The following TOPBP1 variants were observed in gnomAD, a reference collection of about 807,000 sequenced individuals.
The protein encoded by TOPBP1 is DNA topoisomerase 2-binding protein 1.
In TOPBP1, 28 loss-of-function variants were observed where a neutral mutation model predicts 167.7. The observed-to-expected ratio is 0.17, with a 90% CI of 0.12 to 0.23. The LOEUF is 0.23. Among genes scored for constraint, TOPBP1 ranks in the 10% least tolerant of loss-of-function variants. The probability of loss-of-function intolerance (pLI) is 1.00; values close to 1 mark genes in which losing one functional copy is unlikely to be tolerated. For missense variants in TOPBP1, 1,554 were observed against 1,809.6 expected (o/e 0.86, Z 2.56); for synonymous variants, 598 against 611.4 (o/e 0.98, Z 0.32).
intron 2 of TOPBP1, among the ~76,000 whole-genome samples, chr3:133,659,866 C>T (rs905846686): frequency 6.6e-6 from 1 of 152,062 alleles, no homozygotes; most frequent in East Asian, 1.9e-4. Flanking sequence ...ATGTTCTGAA[C>T]CAATTTTGAG....
intron 3 of TOPBP1, 89 bp downstream of exon 3, chr3:133,658,927 C>T (rs1936582696): frequency 7.1e-7 from 1 of 1,405,108 alleles, no homozygotes; most frequent in Admixed American, 2.8e-5. Context: ...TTGCATAGTA[C>T]TTTATAATCC....
intron 21 of TOPBP1, among the ~76,000 whole-genome samples, chr3:133,617,854 T>C (rs1178242046): frequency 6.6e-6 from 1 of 152,148 alleles, no homozygotes; most frequent in Non-Finnish European, 1.5e-5. Context: ...AGGTATGTGC[T>C]AGGCAGAATT....
At chr3:133,653,551 G>C in intron 6 of TOPBP1, 27 bp from the exon 7 acceptor site, 1 of 1,467,984 alleles carries the variant, frequency 6.8e-7, no homozygotes, top group Non-Finnish European at 9.1e-7. Flanking sequence ...GAAAGAAATA[G>C]AGAAAATAGG....
intron 13 of TOPBP1, 82 bp from the exon 14 acceptor site, chr3:133,638,244 C>G: frequency 7.5e-7 from 1 of 1,333,260 alleles, no homozygotes; most frequent in South Asian, 1.4e-5. Flanking sequence ...ATATTTTATA[C>G]TGTTTTCTTT....
intron 25 of TOPBP1, among the ~76,000 whole-genome samples, chr3:133,609,564 C>T (rs1934604533): frequency 6.6e-6 from 1 of 152,118 alleles, no homozygotes; most frequent in Non-Finnish European, 1.5e-5. Context: ...GGGGGAGGGA[C>T]CTCGTGGGAG....
intron 6 of TOPBP1, among the ~76,000 whole-genome samples, chr3:133,654,463 T>G (rs1427927335): frequency 6.6e-6 from 1 of 152,194 alleles, no homozygotes; most frequent in Non-Finnish European, 1.5e-5. Flanking sequence ...GTCTTCAGAT[T>G]CAGAAAAAGA....
chr3:133,611,663 T>C (rs1339504735), intron 24 of TOPBP1, among the ~76,000 whole-genome samples: 1 of 152,262 alleles, frequency 6.6e-6, no homozygotes, highest in Non-Finnish European at 1.5e-5. Context: ...GTTTCGTTGT[T>C]TGGCTTTGTT....
chr3:133,622,689 A>G (rs1401725413), intron 19 of TOPBP1, among the ~76,000 whole-genome samples: 1 of 152,144 alleles, frequency 6.6e-6, no homozygotes, highest in Non-Finnish European at 1.5e-5. Context: ...CATATAAGAA[A>G]ACTTTTTGAA....
intron 12 of TOPBP1, among the ~76,000 whole-genome samples, chr3:133,641,178 T>C (rs1266207734): frequency 6.6e-6 from 1 of 152,182 alleles, no homozygotes; most frequent in Non-Finnish European, 1.5e-5. Context: ...AGATATGAGA[T>C]ACTGCTCCAA....
chr3:133,623,870 T>C (rs1038788612), intron 17 of TOPBP1, among the ~76,000 whole-genome samples, 182 bp downstream of exon 17: 2 of 152,254 alleles, frequency 1.3e-5, no homozygotes, highest in African/African-American at 4.8e-5. Context: ...ATTTGTTAAG[T>C]ATTTAAGGAC....
chr3:133,605,991 G>A lies in TOPBP1; in HGVS notation c.4425+2544C>T, dbSNP rs1014800655. Among the ~76,000 whole-genome samples the A allele has an allele frequency of 3.3e-5, 5 of 152,168 alleles. No homozygotes were observed. The East Asian group carries it at 9.7e-4, about 29-fold the overall frequency. ...CAGGTGGATTGCTTGAGACCAGCCT[G>A]GGCAACCTGGTGAAACCCTATCTCT... is the stretch of plus-strand genomic sequence containing the variant. On this transcript the variant is annotated intron_variant, in intron 27 of 27. Transcript: ENST00000260810.
intron 19 of TOPBP1, among the ~76,000 whole-genome samples, chr3:133,622,713 A>ACTAGATTTGAATCAGTCAAAAAG (rs1935134180): frequency 6.6e-6 from 1 of 152,156 alleles, no homozygotes; most frequent in Non-Finnish European, 1.5e-5. Context: ...CACTCAAAAG[A>ACTAGATTTGAATCAGTCAAAAAG]ACTGGACCAA....
chr3:133,624,128 G>A lies in TOPBP1; in HGVS notation c.2852C>T (p.Pro951Leu). The A allele has an allele frequency of 3.1e-6, 5 of 1,613,654 alleles. No individual in the cohort carries two copies. Among genetic ancestry groups the A allele is most frequent in the Non-Finnish European group, 4.2e-6 (5 of 1,179,764 alleles). The change falls in exon 17 of 28, where the codon CCA becomes CTA. Residue 951 changes from proline to leucine, a missense_variant. Physicochemically the swap from Pro to Leu is moderately conservative, Grantham distance 98. Coordinates refer to ENST00000260810, the MANE Select transcript of TOPBP1 (RefSeq NM_007027.4). ...TVTHFIYQGR[P>L]NDTNREYKSV... ...TTTATACTCCCGATTAGTGTCATTT[G>A]GCCGCCCTTGATAGATGAAATGAGT...
At chr3:133,642,365 G>T (rs1305348391) in intron 12 of TOPBP1, among the ~76,000 whole-genome samples, 2 of 127,712 alleles carry the variant, frequency 1.6e-5, no homozygotes, top group African/African-American at 5.3e-5. Context: ...CTACATTTAG[G>T]CTTTTGCTTT....
At chr3:133,634,194 G>A (rs777296825) in intron 14 of TOPBP1, among the ~76,000 whole-genome samples, 21 of 152,132 alleles carry the variant, frequency 1.4e-4, no homozygotes, top group Non-Finnish European at 2.2e-4. Context: ...AGACATCCTC[G>A]TGAAACTATT....
At chr3:133,657,970 T>G in intron 3 of TOPBP1, 29 bp from the exon 4 acceptor site, 1 of 1,495,318 alleles carries the variant, frequency 6.7e-7, no homozygotes, top group Non-Finnish European at 8.9e-7. Context: ...TTTAAATGAG[T>G]TAAGAAGGAA....
chr3:133,608,351 CATA>C (rs1291719537), intron 27 of TOPBP1, among the ~76,000 whole-genome samples, 181 bp downstream of exon 27: 7 of 152,066 alleles, frequency 4.6e-5, no homozygotes, highest in Admixed American at 4.6e-4. Context: ...TAAATGTTTA[CATA>C]ATATGTTCAT....
intron 6 of TOPBP1, among the ~76,000 whole-genome samples, chr3:133,654,401 A>G (rs747176792): frequency 3.3e-5 from 5 of 152,206 alleles, no homozygotes; most frequent in Non-Finnish European, 5.9e-5. Context: ...ATTGAGGTCA[A>G]TATGTCACAT....
At position 133,649,778 on chromosome 3, in the gene TOPBP1, A is replaced by T; in HGVS notation, c.1253+2T>A. 6.3e-7 allele frequency: 1 copy of T among 1,583,720 alleles called. No individual in the cohort carries two copies. The highest frequency in any genetic ancestry group is 8.5e-7 in the Non-Finnish European group (1 of 1,170,802). On this transcript the variant is annotated splice_donor_variant, in intron 9 of 27. Transcript: ENST00000260810. LOFTEE classifies it high-confidence loss of function. ...TTGCTTTGAATTAAAAACGAAAAAA[A>T]CCTGTGGGCTGATTTATTCCAAAAC...
Sources: allele counts gnomAD v4.1 joint callset (sites outside exome capture counted in the v4.1 genomes callset), GRCh38; gene constraint gnomAD v4.1.1; transcripts MANE v1.5; gene names NCBI Gene and HGNC (gene_info 2026-07-23, HGNC 2026-07-21).